DPP10: variants seen among roughly 807,000 people sequenced by gnomAD.
DPP10 encodes inactive dipeptidyl peptidase 10.
DPP10 carries 33 observed loss-of-function variants against 120.9 expected under a neutral mutation model. The ratio of observed to expected loss-of-function variants is 0.27; its 90% CI spans 0.21 to 0.37. The LOEUF (loss-of-function observed/expected upper bound fraction) is 0.37, where lower values mean the gene tolerates loss of function less well. DPP10 is among the 10% of genes least tolerant of loss of function. The pLI, the probability that DPP10 is intolerant of heterozygous loss-of-function variation, is 1.00. For missense variants in DPP10, 816 were observed against 942.8 expected, an observed-to-expected ratio of 0.87 and a Z score of 1.76; for synonymous variants, 337 against 326.1, an observed-to-expected ratio of 1.03 and a Z score of -0.36.
At chr2:115,112,418 T>C (rs2049271940) in intron 1 of DPP10, among the ~76,000 whole-genome samples, 1 of 152,184 alleles carries the variant, frequency 6.6e-6, no homozygotes, top group Non-Finnish European at 1.5e-5. Context: ...TAAACATTTA[T>C]TGTTATTTTA....
intron 5 of DPP10, among the ~76,000 whole-genome samples, chr2:115,582,341 C>G (rs1360326997): frequency 6.6e-6 from 1 of 152,178 alleles, no homozygotes; most frequent in Admixed American, 6.5e-5. Context: ...CAGTTAAACT[C>G]TGCCATTTTG....
chr2:115,172,930 A>G (rs2105074408), intron 1 of DPP10, among the ~76,000 whole-genome samples: 1 of 152,310 alleles, frequency 6.6e-6, no homozygotes, highest in South Asian at 2.1e-4. Context: ...GTTGGTATGC[A>G]GATTATATAG....
In DPP10 at chr2:115,844,610, G is replaced by A. The variant is rs1158582194; in HGVS notation, c.*2265G>A. The stretch of plus-strand genomic sequence containing the variant: ...CAACACATAGTCACCAACTATTAAA[G>A]GAATCATGTGATTGGATTTTCCCCT... On this transcript the variant is annotated 3_prime_UTR_variant, in exon 26 of 26. Coordinates refer to ENST00000410059, the MANE Select transcript of DPP10 (RefSeq NM_020868.6). 6.6e-6 allele frequency: 1 copy of A among 152,058 alleles called. No individual in the cohort carries two copies. Among genetic ancestry groups the A allele is most frequent in the Non-Finnish European group, 1.5e-5 (1 of 67,990 alleles). The allele number at this position is 152,058 out of a possible 1,614,324, so 9.4% of individuals were successfully genotyped here.
At chr2:114,769,125 G>A (rs1426001556) in intron 1 of DPP10, among the ~76,000 whole-genome samples, 2 of 152,156 alleles carry the variant, frequency 1.3e-5, no homozygotes, top group Admixed American at 1.3e-4. Context: ...AAGAAATACA[G>A]TTTGAAGTTT....
intron 1 of DPP10, among the ~76,000 whole-genome samples, chr2:114,710,471 A>G (rs192851746): frequency 6.6e-6 from 1 of 152,348 alleles, no homozygotes; most frequent in East Asian, 1.9e-4. Flanking sequence ...CAGGCCGGGC[A>G]TAGTGGCTCA....
chr2:115,169,175 A>G (rs1395384225), intron 1 of DPP10, among the ~76,000 whole-genome samples: 1 of 152,202 alleles, frequency 6.6e-6, no homozygotes, highest in Admixed American at 6.5e-5. Context: ...TAGGCAATTT[A>G]TAATCCCACT....
rs1251997416 is a variant in DPP10, at chr2:114,779,992, C to T, written c.60+337154C>T. On this transcript the variant is annotated intron_variant, in intron 1 of 25. Transcript: ENST00000410059. ...TCTACTAAAAATACAAAAAATAAGC[C>T]GGGTGTGGTGGTGGTCGCCTGTAGT... Among the ~76,000 whole-genome samples the T allele has an allele frequency of 2.6e-5, 4 of 151,886 alleles. 1 individual carries two copies. The highest frequency in any genetic ancestry group is 2.4e-5 in the African/African-American group (1 of 41,356).
chr2:115,337,484 G>A (rs2063208471), intron 2 of DPP10, among the ~76,000 whole-genome samples: 2 of 151,932 alleles, frequency 1.3e-5, no homozygotes, highest in African/African-American at 4.8e-5. Flanking sequence ...GCAGGTTCAA[G>A]TTTCAGCTCT....
At chr2:114,662,544 G>C (rs1003106400) in intron 1 of DPP10, among the ~76,000 whole-genome samples, 3 of 152,120 alleles carry the variant, frequency 2.0e-5, no homozygotes, top group Non-Finnish European at 2.9e-5. Flanking sequence ...CAGAGACCCA[G>C]CCCCGGAAAT....
intron 3 of DPP10, among the ~76,000 whole-genome samples, chr2:115,362,982 C>G (rs907758168): frequency 2.0e-5 from 3 of 152,118 alleles, no homozygotes; most frequent in Admixed American, 6.5e-5. Context: ...CAGTCATAAC[C>G]CATGCCAGTT....
intron 1 of DPP10, among the ~76,000 whole-genome samples, chr2:114,960,765 T>C (rs1463235518): frequency 6.6e-6 from 1 of 152,148 alleles, no homozygotes. Context: ...TGTAATAAGA[T>C]GTCATTTGTA....
intron 4 of DPP10, among the ~76,000 whole-genome samples, chr2:115,507,482 C>A (rs369380970): frequency 6.6e-6 from 1 of 152,114 alleles, no homozygotes. Context: ...TTAGGAAAGG[C>A]TCACTACGGA....
At chr2:115,104,895 A>G (rs902060434) in intron 1 of DPP10, among the ~76,000 whole-genome samples, 5 of 152,056 alleles carry the variant, frequency 3.3e-5, no homozygotes, top group African/African-American at 1.2e-4. Context: ...AGTCCCAGCT[A>G]CTTGGGAGGC....
chr2:115,317,749 A>G (rs2061865739), intron 2 of DPP10, among the ~76,000 whole-genome samples: 2 of 150,950 alleles, frequency 1.3e-5, no homozygotes, highest in African/African-American at 2.4e-5. Context: ...TTATGTGTCT[A>G]TTGGCCATTT....
intron 3 of DPP10, among the ~76,000 whole-genome samples, chr2:115,397,971 C>G (rs1026502397): frequency 6.6e-6 from 1 of 152,006 alleles, no homozygotes; most frequent in Non-Finnish European, 1.5e-5. Context: ...AGAGTCGATA[C>G]GGCAACATCA....
chr2:115,571,394 A>G (rs754652391), intron 5 of DPP10, among the ~76,000 whole-genome samples: 25 of 152,074 alleles, frequency 1.6e-4, no homozygotes, highest in South Asian at 2.1e-4. Flanking sequence ...CCTCCCCCAT[A>G]TAGTAGTCAC....
chr2:115,434,408 A>G (rs1255428195), intron 3 of DPP10, among the ~76,000 whole-genome samples: 2 of 152,004 alleles, frequency 1.3e-5, no homozygotes, highest in African/African-American at 4.8e-5. Context: ...GGATGAATCA[A>G]ATTGTTTCCA....
At chr2:115,093,928 T>G (rs925868755) in intron 1 of DPP10, among the ~76,000 whole-genome samples, 16 of 152,106 alleles carry the variant, frequency 1.1e-4, no homozygotes, top group African/African-American at 3.9e-4. Context: ...AACTATTTTT[T>G]TGTGTCCATG....
intron 19 of DPP10, among the ~76,000 whole-genome samples, 157 bp downstream of exon 19, chr2:115,791,513 C>T: frequency 6.6e-6 from 1 of 152,282 alleles, no homozygotes. Context: ...AAGTCCATCA[C>T]TAAATCATGT....
Sources: allele counts gnomAD v4.1 joint callset (sites outside exome capture counted in the v4.1 genomes callset), GRCh38; gene constraint gnomAD v4.1.1; transcripts MANE v1.5; gene names NCBI Gene and HGNC (gene_info 2026-07-23, HGNC 2026-07-21).